Variants in PKN3 observed in about 807,000 individuals in gnomAD.
The protein encoded by PKN3 is serine/threonine-protein kinase N3.
Under a neutral mutation model 113.1 loss-of-function variants are expected in PKN3, and 91 were observed. The observed-to-expected ratio is 0.80, with a 90% confidence interval of 0.68 to 0.96. The LOEUF is 0.96. Ranked by LOEUF, PKN3 falls within the 40% of genes least tolerant of loss-of-function variation. The probability of loss-of-function intolerance (pLI) is 0.00; values close to 1 mark genes in which losing one functional copy is unlikely to be tolerated. For synonymous variants in PKN3, 467 were observed against 499.0 expected (o/e 0.94, Z 0.85); for missense variants, 1,052 against 1,202.2 (o/e 0.88, Z 1.85).
At chr9:128,707,483 G>A in intron 6 of PKN3, 78 bp downstream of exon 6, 3 of 1,218,336 alleles carry the variant, frequency 2.5e-6, no homozygotes, top group South Asian at 1.4e-5. Flanking sequence ...CTCTGATGAA[G>A]AGTTCAAGAG....
In PKN3 at chr9:128,702,703, G is replaced by C. The variant is rs1242894900; in HGVS notation, c.-213G>C. The C allele has an allele frequency of 4.2e-6, 2 of 473,430 alleles. No homozygotes were observed. Among genetic ancestry groups the C allele is most frequent in the African/African-American group, 4.1e-5 (2 of 48,368 alleles). 29.3% of individuals were successfully genotyped at this position (473,430 alleles called of 1,614,324 possible). A position where few individuals can be genotyped will look rare whatever the true frequency, so the allele number is the denominator to read the frequency against. On this transcript the variant is annotated 5_prime_UTR_variant, in exon 1 of 22. Transcript: ENST00000291906. ...GATCCGAGGGAGGCGCTGGGGCGCGGGACCTCGGGCGTGGGGTCCCGGGCG... is the reference window on the plus strand; with the variant it reads ...GATCCGAGGGAGGCGCTGGGGCGCGCGACCTCGGGCGTGGGGTCCCGGGCG...
intron 1 of PKN3, chr9:128,703,539 G>A (rs1861917544): frequency 1.0e-6 from 1 of 985,324 alleles, no homozygotes; most frequent in African/African-American, 1.7e-5. Flanking sequence ...GTGCGCGTGG[G>A]CCCGGAGGAC....
Position 128,720,698 on chromosome 9 carries a change from T to G in PKN3, c.*92T>G, listed in dbSNP as rs757875904. 3 of 1,105,804 alleles carry G rather than the reference T, an allele frequency of 2.7e-6. No homozygotes were observed. The highest frequency in any genetic ancestry group is 3.9e-6 in the Non-Finnish European group (3 of 761,802). The allele number at this position is 1,105,804 out of a possible 1,614,324, so 68.5% of individuals were successfully genotyped here. ...GCGCCCTGCCTGGAGGTCCAGGCCT[T>G]GCTGGGTACTTCTGAGCCCTTGGGA... is the stretch of plus-strand genomic sequence containing the variant. On this transcript the variant is annotated 3_prime_UTR_variant, in exon 22 of 22. Coordinates refer to ENST00000291906, the MANE Select transcript of PKN3 (RefSeq NM_013355.5). The surrounding 1 kb of genome is among the most constrained non-coding windows in gnomAD (Gnocchi z 5.5).
At chr9:128,717,117 C>CTTTTTTTTTTTGTTTTTTTTTTTT in intron 16 of PKN3, among the ~76,000 whole-genome samples, 194 bp downstream of exon 16, 1 of 24,364 alleles carries the variant, frequency 4.1e-5, no homozygotes, top group Non-Finnish European at 8.1e-5. Context: ...CATTAGGTTT[C>CTTTTTTTTTTTGTTTTTTTTTTTT]TTTTTTTTTT....
chr9:128,706,996 A>C lies in PKN3; in HGVS notation c.624A>C (p.Arg208Ser), dbSNP rs771642186. The change falls in exon 5 of 22, where the codon AGA becomes AGC. Residue 208 changes from arginine (R) to serine (S), a missense_variant. Around this residue, in one of 2 missense-constraint regions of PKN3, gnomAD observed 719 missense variants for 759.4 expected, o/e 0.95. Coordinates refer to ENST00000291906, the MANE Select transcript of PKN3 (RefSeq NM_013355.5). The stretch of plus-strand genomic sequence containing the variant: ...TGGTGAAACTGCTTAGTAGCCGGAG[A>C]ACACAGGACCGCAAGGCACTGGCTG... ...KNVVKLLSSRRTQDRKALAEA... is the reference protein window; with the variant it reads ...KNVVKLLSSRSTQDRKALAEA... 3 of 1,614,162 alleles carry C rather than the reference A, an allele frequency of 1.9e-6. No homozygotes were observed. In the Admixed American group the frequency reaches 5.0e-5, roughly 27 times the overall value.
At chr9:128,717,770 C>T (rs1185172397) in intron 16 of PKN3, among the ~76,000 whole-genome samples, 1 of 148,784 alleles carries the variant, frequency 6.7e-6, no homozygotes, top group Non-Finnish European at 1.5e-5. Flanking sequence ...CTGTAATCCC[C>T]ACACTTTGGG....
chr9:128,713,471 A>G lies in PKN3; in HGVS notation c.1093-28A>G, dbSNP rs748923786. On this transcript the variant is annotated intron_variant, in intron 8 of 21. Transcript: ENST00000291906. Reference sequence around the variant, plus strand: ...CAGGTCGGGGCTCGTTCTGCACCCCACCCTTCAGCCTGGCCTCCCCAATAC... The same window carrying G: ...CAGGTCGGGGCTCGTTCTGCACCCCGCCCTTCAGCCTGGCCTCCCCAATAC... 4 of 1,613,658 alleles carry G rather than the reference A, an allele frequency of 2.5e-6. No homozygotes were observed. The Admixed American group carries it at 6.7e-5, about 27-fold the overall frequency.
chr9:128,716,811 C>T lies in PKN3; in HGVS notation c.1873C>T (p.Leu625Phe). The change falls in exon 16 of 22, where the codon CTC (leucine) becomes TTC (phenylalanine). Residue 625 changes from leucine to phenylalanine, a missense_variant. Physicochemically the swap from Leu to Phe is conservative, Grantham distance 22. Transcript: ENST00000291906. ...GCTGHPFLLS[L>F]LACFQTSSHA... Reference sequence around the variant, plus strand: ...CACAGGGCACCCTTTCCTGCTCTCCCTCCTTGCCTGCTTCCAGACCTCCAG... The same window carrying T: ...CACAGGGCACCCTTTCCTGCTCTCCTTCCTTGCCTGCTTCCAGACCTCCAG... 6.2e-7 allele frequency: 1 copy of T among 1,614,120 alleles called. No individual in the cohort carries two copies. The highest frequency in any genetic ancestry group is 8.5e-7 in the Non-Finnish European group (1 of 1,180,004).
intron 1 of PKN3, chr9:128,703,478 C>T: frequency 3.0e-6 from 3 of 985,302 alleles, no homozygotes; most frequent in South Asian, 4.7e-5. Flanking sequence ...GGGTACATAG[C>T]GGGTTCTAGA....
chr9:128,708,691 A>T (rs193004878), intron 6 of PKN3, among the ~76,000 whole-genome samples: 16 of 152,008 alleles, frequency 1.1e-4, no homozygotes, highest in African/African-American at 3.6e-4. Context: ...GAAACAAAAA[A>T]AATTAGCCGG....
In PKN3 at chr9:128,718,480, C is replaced by G. The variant is rs551525219; in HGVS notation, c.2049-69C>G. 6.9e-6 allele frequency: 11 copies of G among 1,590,144 alleles called. No homozygotes were observed. In the Admixed American group the frequency reaches 1.8e-4, roughly 27 times the overall value. On this transcript the variant is annotated intron_variant, in intron 17 of 21. Transcript: ENST00000291906. ...GCTGCCTCCGCCTGCCTGGGCTGCT[C>G]CAGGGGCCGTTACTGTTCCCTGGGT...
chr9:128,705,355 C>T lies in PKN3; in HGVS notation c.77C>T (p.Ala26Val), dbSNP rs377752354. Reference sequence around the variant, plus strand: ...GATGAGAAGGAGGTGATCCGCCGGGCCATCCAGAAAGAGCTGAAGATCAAG... The same window carrying T: ...GATGAGAAGGAGGTGATCCGCCGGGTCATCCAGAAAGAGCTGAAGATCAAG... ...PEDEKEVIRR[A>V]IQKELKIKEG... is the part of the protein sequence containing the mutation. Residue 26 changes from alanine (A) to valine (V), a missense_variant, in exon 2 of 22, where the codon GCC becomes GTC. Physicochemically the swap from Ala to Val is moderately conservative, Grantham distance 64. This residue lies in a region of PKN3 where 719 missense variants were observed against 759.4 expected (regional missense o/e 0.95). Coordinates refer to ENST00000291906, the MANE Select transcript of PKN3 (RefSeq NM_013355.5). 2.4e-4 allele frequency: 383 copies of T among 1,587,680 alleles called. 1 individual carries two copies. Among genetic ancestry groups the T allele is most frequent in the Non-Finnish European group, 3.2e-4 (379 of 1,168,152 alleles).
Position 128,719,314 on chromosome 9 carries a change from C to T in PKN3, c.2126-372C>T, listed in dbSNP as rs577698934. Among the ~76,000 whole-genome samples, 293 of 151,916 alleles carry T rather than the reference C, an allele frequency of 1.9e-3. 2 individuals are homozygous for T. Among genetic ancestry groups the T allele is most frequent in the Non-Finnish European group, 2.8e-3 (190 of 67,986 alleles). Reference sequence around the variant, plus strand: ...AAGAGATTCTCCTGCCTCAGCCTCCCGAGTACCTGCGATTACAGGCACATG... The same window carrying T: ...AAGAGATTCTCCTGCCTCAGCCTCCTGAGTACCTGCGATTACAGGCACATG... On this transcript the variant is annotated intron_variant, in intron 18 of 21. Coordinates refer to ENST00000291906, the MANE Select transcript of PKN3 (RefSeq NM_013355.5).
Position 128,714,064 on chromosome 9 carries a change from G to T in PKN3, c.1255G>T (p.Val419Phe), listed in dbSNP as rs1484396257. Residue 419 changes from valine (V) to phenylalanine (F), a missense_variant, in exon 10 of 22, where the codon GTC (valine) becomes TTC (phenylalanine). By Grantham distance (50) the Val-to-Phe change is conservative. This residue lies in a region of PKN3 where 719 missense variants were observed against 759.4 expected (regional missense o/e 0.95). Coordinates refer to ENST00000291906, the MANE Select transcript of PKN3 (RefSeq NM_013355.5). ...CCTGCAGGTGACCTTCTGCGATCCTGTCATTGAGAGGCGGCCCCGGCTGCA... is the reference window on the plus strand; with the variant it reads ...CCTGCAGGTGACCTTCTGCGATCCTTTCATTGAGAGGCGGCCCCGGCTGCA... ...LFAQVTFCDP[V>F]IERRPRLQRQ... 6.2e-7 allele frequency: 1 copy of T among 1,614,136 alleles called. No homozygotes were observed. Among genetic ancestry groups the T allele is most frequent in the East Asian group, 2.2e-5 (1 of 44,892 alleles).
At chr9:128,711,500 C>T (rs1427339696) in intron 6 of PKN3, among the ~76,000 whole-genome samples, 1 of 151,052 alleles carries the variant, frequency 6.6e-6, no homozygotes, top group Non-Finnish European at 1.5e-5. Flanking sequence ...TTAGTAGAGA[C>T]GAGGTTTCAC....
intron 9 of PKN3, among the ~76,000 whole-genome samples, 187 bp from the exon 10 acceptor site, chr9:128,713,859 C>T (rs1256981105): frequency 6.6e-6 from 1 of 152,202 alleles, no homozygotes; most frequent in Non-Finnish European, 1.5e-5. Context: ...GGAAAAGTGC[C>T]TCTCCTCCCT....
chr9:128,718,681 A>G, intron 18 of PKN3, 56 bp downstream of exon 18: 2 of 1,491,608 alleles, frequency 1.3e-6, no homozygotes, highest in African/African-American at 1.4e-5. Flanking sequence ...ACCCTGGCCA[A>G]TAGGATGATG....
chr9:128,716,598 A>T (rs79568039), intron 15 of PKN3, 149 bp from the exon 16 acceptor site: 110,907 of 371,010 alleles, frequency 0.3, 211 homozygotes, highest in South Asian at 0.41. Context: ...ACTGTGTCTC[A>T]AAAAAAAAAA....
In PKN3 at chr9:128,714,287, C is replaced by A. The variant is rs370634438; in HGVS notation, c.1403C>A (p.Pro468Gln). The A allele has an allele frequency of 2.1e-5, 34 of 1,613,520 alleles. 1 individual carries two copies. In the South Asian group the frequency reaches 3.6e-4, roughly 17 times the overall value. Reference sequence around the variant, plus strand: ...AACCTGCTGCCCCCCTGCAGCTCCCCGAGCACAATCAGCCCCCCTAAAGGA... The same window carrying A: ...AACCTGCTGCCCCCCTGCAGCTCCCAGAGCACAATCAGCCCCCCTAAAGGA... Reference protein sequence around the residue: ...VMNLLPPCSSPSTISPPKGCP... With the variant: ...VMNLLPPCSSQSTISPPKGCP... Residue 468 changes from proline (P) to glutamine (Q), a missense_variant, in exon 11 of 22, where the codon CCG (proline) becomes CAG (glutamine). By Grantham distance (76) the Pro-to-Gln change is moderately conservative. This residue lies in a region of PKN3 where 719 missense variants were observed against 759.4 expected (regional missense o/e 0.95). Coordinates refer to ENST00000291906, the MANE Select transcript of PKN3 (RefSeq NM_013355.5).
Sources: allele counts gnomAD v4.1 joint callset (sites outside exome capture counted in the v4.1 genomes callset), GRCh38; gene constraint gnomAD v4.1.1; regional missense constraint gnomAD v4.1.1; non-coding constraint Gnocchi (gnomAD v3.1); transcripts MANE v1.5; gene names NCBI Gene and HGNC (gene_info 2026-07-23, HGNC 2026-07-21).